Variants in MAPT observed in about 807,000 individuals in gnomAD.
The protein encoded by MAPT is microtubule-associated protein tau.
Under a neutral mutation model 67.9 loss-of-function variants are expected in MAPT, and 34 were observed. That is an observed-to-expected ratio of 0.50 (90% CI 0.38 to 0.67). The LOEUF is 0.67. Among genes scored for constraint, MAPT ranks in the 30% least tolerant of loss-of-function variants. The probability of loss-of-function intolerance (pLI) is 0.00; values close to 1 mark genes in which losing one functional copy is unlikely to be tolerated. For synonymous variants in MAPT, 456 were observed against 464.5 expected (o/e 0.98, Z 0.23); for missense variants, 881 against 1,115.2 (o/e 0.79, Z 2.99).
At chr17:45,920,870 C>A (rs2065645461) in intron 1 of MAPT, among the ~76,000 whole-genome samples, 1 of 152,234 alleles carries the variant, frequency 6.6e-6, no homozygotes, top group African/African-American at 2.4e-5. Flanking sequence ...ATGGAACCTT[C>A]ACCCACCTCG....
In MAPT at chr17:46,018,652, T is replaced by C. The variant is rs1801264; in HGVS notation, c.2208T>C (p.Leu736=). ...AGGTGGAAGTAAAATCTGAGAAGCTTGACTTCAAGGACAGAGTCCAGTCGA... is the reference window on the plus strand; with the variant it reads ...AGGTGGAAGTAAAATCTGAGAAGCTCGACTTCAAGGACAGAGTCCAGTCGA... ...GGQVEVKSEK[L]DFKDRVQSKI... is the part of the protein sequence containing the mutation. The change falls in exon 12 of 13, where the codon CTT becomes CTC. Residue 736 remains leucine, a synonymous_variant. Coordinates refer to ENST00000262410, the MANE Select transcript of MAPT (RefSeq NM_001377265.1). 6.2e-7 allele frequency: 1 copy of C among 1,614,190 alleles called. No homozygotes were observed. The highest frequency in any genetic ancestry group is 8.5e-7 in the Non-Finnish European group (1 of 1,180,004).
chr17:45,897,789 C>G lies in MAPT; in HGVS notation c.-18+3103C>G, dbSNP rs949416947. The G allele has an allele frequency of 6.6e-6, 1 of 152,650 alleles. No individual in the cohort carries two copies. The highest frequency in any genetic ancestry group is 6.5e-5 in the Admixed American group (1 of 15,282). 9.5% of individuals were successfully genotyped at this position (152,650 alleles called of 1,614,324 possible). ...TCCGACAGCGACTGCCTAGCTCACC[C>G]CTCTGCGTGCTCAGGCTCCAGGCTC... On this transcript the variant is annotated intron_variant, in intron 1 of 12. Transcript: ENST00000262410. The surrounding 1 kb of genome is among the most constrained non-coding windows in gnomAD (Gnocchi z 5.0).
chr17:45,987,050 C>A lies in MAPT; in HGVS notation c.1362C>A (p.Val454=). The A allele has an allele frequency of 1.2e-6, 2 of 1,613,832 alleles. No individual in the cohort carries two copies. Among genetic ancestry groups the A allele is most frequent in the South Asian group, 2.2e-5 (2 of 91,024 alleles). ...SRVPQLKARM[V]SKSKDGTGSD... is the part of the protein sequence containing the mutation. ...TTTATATTTTATCAGCTCGCATGGT[C>A]AGTAAAAGCAAAGACGGGACTGGAA... The change falls in exon 6 of 13, where the codon GTC becomes GTA. Residue 454 remains valine, a synonymous_variant. Transcript: ENST00000262410.
chr17:46,024,653 G>A lies in MAPT; in HGVS notation c.*482G>A, dbSNP rs2076728786. 1 of 199,798 alleles carries A rather than the reference G, an allele frequency of 5.0e-6. No homozygotes were observed. The highest frequency in any genetic ancestry group is 1.0e-5 in the Non-Finnish European group (1 of 99,782). The allele number at this position is 199,798 out of a possible 1,614,324, so 12.4% of individuals were successfully genotyped here. On this transcript the variant is annotated 3_prime_UTR_variant, in exon 13 of 13. Coordinates refer to ENST00000262410, the MANE Select transcript of MAPT (RefSeq NM_001377265.1). ...TGTGTTCGTGGAGCCACAGGCAGAC[G>A]ATGTCAACCTTGTGTGAGTGTGACG...
At position 45,996,030 on chromosome 17, in the gene MAPT, A is replaced by C. The variant is rs2074440524; in HGVS notation, c.1733-369A>C. Among the ~76,000 whole-genome samples, 1 of 152,182 alleles carries C rather than the reference A, an allele frequency of 6.6e-6. No homozygotes were observed. Among genetic ancestry groups the C allele is most frequent in the Non-Finnish European group, 1.5e-5 (1 of 68,040 alleles). On this transcript the variant is annotated intron_variant, in intron 8 of 12. Transcript: ENST00000262410. The surrounding 1 kb of genome is among the most constrained non-coding windows in gnomAD (Gnocchi z 4.5). ...GGATTATAATTATTTCCATTTTCAAATTAAGGCCTCTGAGCTCAGAGAGGG... is the reference window on the plus strand; with the variant it reads ...GGATTATAATTATTTCCATTTTCAACTTAAGGCCTCTGAGCTCAGAGAGGG...
intron 11 of MAPT, among the ~76,000 whole-genome samples, chr17:46,017,166 G>C (rs1310197861): frequency 6.6e-6 from 1 of 152,248 alleles, no homozygotes; most frequent in African/African-American, 2.4e-5. Context: ...TGTGAGAGCA[G>C]CTGGGAGCTG....
intron 1 of MAPT, 145 bp from the exon 2 acceptor site, chr17:45,962,176 G>T: frequency 1.5e-6 from 1 of 672,714 alleles, no homozygotes. Flanking sequence ...CACGGGATGA[G>T]GATGGGCGGC....
rs182656281 is a variant in MAPT, at chr17:46,013,099, C to T, written c.2092-1144C>T. On this transcript the variant is annotated intron_variant, in intron 10 of 12. Transcript: ENST00000262410. The stretch of plus-strand genomic sequence containing the variant: ...GGAGAAACCACCACCTGCCCTGCAC[C>T]TTGTTTTTTGGTGACCTTGATAAAC... 5.9e-3 allele frequency among the ~76,000 whole-genome samples: 899 copies of T among 152,334 alleles called. 1 individual carries two copies. The highest frequency in any genetic ancestry group is 7.4e-3 in the Non-Finnish European group (505 of 68,034).
intron 1 of MAPT, among the ~76,000 whole-genome samples, chr17:45,905,725 G>A (rs1010898110): frequency 2.7e-4 from 41 of 152,238 alleles, no homozygotes; most frequent in African/African-American, 9.9e-4. Flanking sequence ...GATTTCCCAT[G>A]CCTCCATATT....
In MAPT at chr17:46,010,427, C is replaced by A; in HGVS notation, c.2091+25C>A. 2 of 1,485,572 alleles carry A rather than the reference C, an allele frequency of 1.3e-6. No homozygotes were observed. Among genetic ancestry groups the A allele is most frequent in the Non-Finnish European group, 1.8e-6 (2 of 1,083,912 alleles). The allele number at this position is 1,485,572 out of a possible 1,614,324, so 92.0% of individuals were successfully genotyped here. A position where few individuals can be genotyped will look rare whatever the true frequency, so the allele number is the denominator to read the frequency against. The stretch of plus-strand genomic sequence containing the variant: ...TGTGAGTACCTTCACACGTCCCATG[C>A]GCCGTGCTGTGGCTTGAATTATTAG... On this transcript the variant is annotated intron_variant, in intron 10 of 12. Transcript: ENST00000262410. This position sits in a 1 kb window ranked among gnomAD's most constrained non-coding sequence, Gnocchi z 4.7.
At chr17:45,898,304 G>T (rs1302922165) in intron 1 of MAPT, 3 of 152,226 alleles carry the variant, frequency 2.0e-5, no homozygotes, top group African/African-American at 7.2e-5. Context: ...TGACTTTTAA[G>T]TGGTTTCTAA....
chr17:45,910,324 C>G (rs1449208545), intron 1 of MAPT, among the ~76,000 whole-genome samples: 3 of 152,106 alleles, frequency 2.0e-5, no homozygotes, highest in Non-Finnish European at 4.4e-5. Context: ...CAGATTAGGA[C>G]GTTGAGATTC....
intron 4 of MAPT, 43 bp downstream of exon 4, chr17:45,978,483 G>A (rs909105908): frequency 2.8e-6 from 4 of 1,452,728 alleles, no homozygotes; most frequent in Non-Finnish European, 3.9e-6. Flanking sequence ...GGGGTTGGGG[G>A]GAGGGACATG....
chr17:45,983,688 A>G lies in MAPT; in HGVS notation c.1109A>G (p.Gln370Arg). The G allele has an allele frequency of 6.2e-7, 1 of 1,614,136 alleles. No homozygotes were observed. The change falls in exon 5 of 13, where the codon CAG becomes CGG. Residue 370 changes from glutamine to arginine, a missense_variant. Around this residue, in one of 6 missense-constraint regions of MAPT, gnomAD observed 687 missense variants for 766.1 expected, o/e 0.90. Transcript: ENST00000262410. ...CCCAGTGTAGGGCGGGCCAAAGGGC[A>G]GGATGCCCCCCTGGAGTTCACGTTT... ...DGPSVGRAKG[Q>R]DAPLEFTFHV... is the part of the protein sequence containing the mutation.
chr17:45,936,015 C>T (rs1049739951), intron 1 of MAPT, among the ~76,000 whole-genome samples: 12 of 152,212 alleles, frequency 7.9e-5, no homozygotes, highest in African/African-American at 2.9e-4. Context: ...CCAAACCCAA[C>T]CCCCAGAGGG....
rs1187180354 is a variant in MAPT at position 45,897,201 on chromosome 17, A to G, written c.-18+2515A>G. 1.3e-5 allele frequency: 2 copies of G among 152,046 alleles called. No homozygotes were observed. Among genetic ancestry groups the G allele is most frequent in the Non-Finnish European group, 2.9e-5 (2 of 68,008 alleles). 9.4% of individuals were successfully genotyped at this position (152,046 alleles called of 1,614,324 possible). On this transcript the variant is annotated intron_variant, in intron 1 of 12. Coordinates refer to ENST00000262410, the MANE Select transcript of MAPT (RefSeq NM_001377265.1). The surrounding 1 kb of genome is among the most constrained non-coding windows in gnomAD (Gnocchi z 5.0). The stretch of plus-strand genomic sequence containing the variant: ...GCTGGGCGCGGGGTTCCCCTTCCAG[A>G]TGGAGCGAGGGTCTCGGGGTGGCCC...
At chr17:45,901,708 C>T (rs914601027) in intron 1 of MAPT, among the ~76,000 whole-genome samples, 2 of 152,182 alleles carry the variant, frequency 1.3e-5, no homozygotes, top group Admixed American at 1.3e-4. Flanking sequence ...TTACTTTAAC[C>T]GAAACTATAT....
At position 45,929,734 on chromosome 17, in the gene MAPT, T is replaced by C. The variant is rs533141665; in HGVS notation, c.-17-32587T>C. ...GCTTAGACCTTTCTTCTTTCCTTGT[T>C]ATTCTCTTTCATCTGTAATCCAGTT... On this transcript the variant is annotated intron_variant, in intron 1 of 12. Transcript: ENST00000262410. 2.6e-5 allele frequency among the ~76,000 whole-genome samples: 4 copies of C among 152,378 alleles called. No homozygotes were observed. In the East Asian group the frequency reaches 7.7e-4, roughly 29 times the overall value.
intron 12 of MAPT, among the ~76,000 whole-genome samples, chr17:46,022,736 G>A (rs920761968): frequency 3.9e-5 from 6 of 152,130 alleles, no homozygotes; most frequent in African/African-American, 1.4e-4. Flanking sequence ...GGTATCCTTT[G>A]GGACTCCTGG....
Sources: gnomAD v4.1 joint callset for allele counts (sites outside exome capture counted in the v4.1 genomes callset) on GRCh38, gnomAD v4.1.1 for gene constraint, gnomAD v4.1.1 regional missense constraint, Gnocchi (gnomAD v3.1) non-coding constraint, MANE v1.5 for transcripts, NCBI Gene and HGNC (gene_info 2026-07-23, HGNC 2026-07-21) for gene names.